Variants in NXPH1 observed in about 807,000 individuals in gnomAD.
The protein encoded by NXPH1 is neurexophilin 1.
NXPH1 carries 5 observed loss-of-function variants against 23.7 expected under a neutral mutation model. The observed-to-expected ratio is 0.21, with a 90% confidence interval of 0.11 to 0.44. NXPH1 has a LOEUF of 0.44. Ranked by LOEUF, NXPH1 falls within the 20% of genes least tolerant of loss-of-function variation. The probability of loss-of-function intolerance (pLI) is 0.99; values close to 1 mark genes in which losing one functional copy is unlikely to be tolerated. For missense variants in NXPH1, 324 were observed against 321.6 expected (o/e 1.01, Z -0.06); for synonymous variants, 144 against 122.2 (o/e 1.18, Z -1.18).
At chr7:8,654,698 A>G (rs1411079902) in intron 2 of NXPH1, among the ~76,000 whole-genome samples, 1 of 152,046 alleles carries the variant, frequency 6.6e-6, no homozygotes. Context: ...ACCTCTTTTC[A>G]TAGACACATA....
At chr7:8,675,573 A>G (rs1248642337) in intron 2 of NXPH1, among the ~76,000 whole-genome samples, 2 of 152,180 alleles carry the variant, frequency 1.3e-5, no homozygotes, top group Non-Finnish European at 2.9e-5. Flanking sequence ...AACAGAAGAC[A>G]TGGCCTTTCT....
chr7:8,515,888 A>G (rs1363209429), intron 2 of NXPH1, among the ~76,000 whole-genome samples: 4 of 151,944 alleles, frequency 2.6e-5, no homozygotes, highest in Admixed American at 1.3e-4. Flanking sequence ...GTTACTCATT[A>G]CTCTGCTATC....
At chr7:8,466,281 ATATAT>A (rs1816785081) in intron 2 of NXPH1, among the ~76,000 whole-genome samples, 3 of 152,314 alleles carry the variant, frequency 2.0e-5, no homozygotes, top group East Asian at 3.9e-4. Flanking sequence ...AATGGAGTTG[ATATAT>A]TAAATACAAC....
chr7:8,533,886 T>C (rs1817987932), intron 2 of NXPH1, among the ~76,000 whole-genome samples: 1 of 152,116 alleles, frequency 6.6e-6, no homozygotes, highest in Non-Finnish European at 1.5e-5. Context: ...TTTGAAATTC[T>C]TTCTGTGAGC....
At chr7:8,667,173 T>TA (rs141761392) in intron 2 of NXPH1, among the ~76,000 whole-genome samples, 4,568 of 152,196 alleles carry the variant, frequency 0.03, 223 homozygotes, top group African/African-American at 0.099. Context: ...GCTGTTTTTT[T>TA]AAATACTTTT....
chr7:8,523,590 A>T (rs1817811446), intron 2 of NXPH1, among the ~76,000 whole-genome samples: 1 of 152,222 alleles, frequency 6.6e-6, no homozygotes, highest in Non-Finnish European at 1.5e-5. Flanking sequence ...ATTTGGGGAA[A>T]CTTGGGTTAA....
chr7:8,560,991 C>G (rs1414492682), intron 2 of NXPH1, among the ~76,000 whole-genome samples: 2 of 151,566 alleles, frequency 1.3e-5, no homozygotes, highest in African/African-American at 4.8e-5. Context: ...ACAAGCCCCT[C>G]TGGATTGAAA....
chr7:8,495,970 G>A (rs1817331918), intron 2 of NXPH1, among the ~76,000 whole-genome samples: 1 of 151,996 alleles, frequency 6.6e-6, no homozygotes, highest in African/African-American at 2.4e-5. Flanking sequence ...TTCTAATAGG[G>A]CCTCCTGAAG....
At chr7:8,715,725 C>G (rs1232158831) in intron 2 of NXPH1, among the ~76,000 whole-genome samples, 1 of 151,968 alleles carries the variant, frequency 6.6e-6, no homozygotes, top group Non-Finnish European at 1.5e-5. Flanking sequence ...AGAGAAAATT[C>G]CAGGTGAGGG....
intron 2 of NXPH1, among the ~76,000 whole-genome samples, chr7:8,501,503 A>G (rs1435037547): frequency 6.6e-6 from 1 of 152,094 alleles, no homozygotes. Flanking sequence ...AAAAAATTTC[A>G]TAGTGATTCT....
chr7:8,622,216 A>T (rs2115124861), intron 2 of NXPH1, among the ~76,000 whole-genome samples: 1 of 152,300 alleles, frequency 6.6e-6, no homozygotes, highest in East Asian at 1.9e-4. Flanking sequence ...GAACATCACA[A>T]CTTCTAGGGA....
chr7:8,608,646 G>A (rs1294509290), intron 2 of NXPH1, among the ~76,000 whole-genome samples: 1 of 152,052 alleles, frequency 6.6e-6, no homozygotes, highest in Non-Finnish European at 1.5e-5. Flanking sequence ...GCATCTTCTT[G>A]ATTTGCAGCT....
chr7:8,577,110 C>T (rs576274055), intron 2 of NXPH1, among the ~76,000 whole-genome samples: 1 of 152,068 alleles, frequency 6.6e-6, no homozygotes, highest in Non-Finnish European at 1.5e-5. Context: ...ATTCTAAAAG[C>T]TCAAATCCTC....
At chr7:8,456,925 A>C (rs1191059952) in intron 2 of NXPH1, among the ~76,000 whole-genome samples, 1 of 152,168 alleles carries the variant, frequency 6.6e-6, no homozygotes, top group Non-Finnish European at 1.5e-5. Context: ...ACTGCAGCCT[A>C]GATAAGGTCT....
intron 2 of NXPH1, among the ~76,000 whole-genome samples, chr7:8,661,962 A>G (rs1820682497): frequency 6.6e-6 from 1 of 152,116 alleles, no homozygotes; most frequent in African/African-American, 2.4e-5. Context: ...GAAATTGTAA[A>G]TTACACAAAA....
intron 2 of NXPH1, among the ~76,000 whole-genome samples, chr7:8,731,925 C>T (rs191056044): frequency 0.066 from 10,113 of 152,234 alleles, 415 homozygotes; most frequent in East Asian, 0.17. Context: ...CAATGGCGGG[C>T]GCCCCTCCCC....
rs377258901 is a variant in NXPH1, at chr7:8,435,689, C to T, written c.-25C>T. The T allele has an allele frequency of 4.2e-5, 68 of 1,612,670 alleles. No individual in the cohort carries two copies. Among genetic ancestry groups the T allele is most frequent in the Non-Finnish European group, 5.8e-5 (68 of 1,178,806 alleles). On this transcript the variant is annotated 5_prime_UTR_variant, in exon 2 of 3. Transcript: ENST00000405863. The surrounding 1 kb of genome is among the most constrained non-coding windows in gnomAD (Gnocchi z 5.9). ...GAACAAAGACTCAAAGAAGGCACCG[C>T]CAAGGAAGTTTGAGACGCGGGAGAA...
At chr7:8,680,637 C>G (rs1821034803) in intron 2 of NXPH1, among the ~76,000 whole-genome samples, 1 of 152,144 alleles carries the variant, frequency 6.6e-6, no homozygotes, top group Non-Finnish European at 1.5e-5. Context: ...AAGTGAAGTA[C>G]AATGCCAAGA....
chr7:8,554,087 G>T (rs1176773994), intron 2 of NXPH1, among the ~76,000 whole-genome samples: 1 of 151,646 alleles, frequency 6.6e-6, no homozygotes, highest in Non-Finnish European at 1.5e-5. Flanking sequence ...TACAGGTGGA[G>T]TTATGCTTGT....
Sources: gnomAD v4.1 joint callset for allele counts (sites outside exome capture counted in the v4.1 genomes callset) on GRCh38, gnomAD v4.1.1 for gene constraint, Gnocchi (gnomAD v3.1) non-coding constraint, MANE v1.5 for transcripts, NCBI Gene and HGNC (gene_info 2026-07-23, HGNC 2026-07-21) for gene names.